KCNIP4: variants seen among roughly 807,000 people sequenced by gnomAD.
KCNIP4 encodes the protein Kv channel-interacting protein 4.
KCNIP4 carries 12 observed loss-of-function variants against 34.0 expected under a neutral mutation model. The ratio of observed to expected loss-of-function variants is 0.35; its 90% confidence interval spans 0.23 to 0.57. KCNIP4 has a LOEUF of 0.57. KCNIP4 is among the 20% of genes least tolerant of loss of function. The probability of loss-of-function intolerance (pLI) is 0.83; values close to 1 mark genes in which losing one functional copy is unlikely to be tolerated. For synonymous variants in KCNIP4, 124 were observed against 102.2 expected, an observed-to-expected ratio of 1.21 and a Z score of -1.29; for missense variants, 238 against 311.7, an observed-to-expected ratio of 0.76 and a Z score of 1.78.
chr4:21,045,133 A>G (rs777680601), intron 1 of KCNIP4, among the ~76,000 whole-genome samples: 2 of 152,204 alleles, frequency 1.3e-5, no homozygotes, highest in African/African-American at 2.4e-5. Flanking sequence ...ATGCTCCTCT[A>G]TGAACAAGAG....
intron 3 of KCNIP4, among the ~76,000 whole-genome samples, chr4:20,767,555 A>G (rs187907572): frequency 5.3e-5 from 8 of 152,318 alleles, no homozygotes; most frequent in African/African-American, 1.4e-4. Context: ...TTATAAGGAA[A>G]CCTTTCAGCA....
At chr4:21,614,533 A>G (rs1377890292) in intron 1 of KCNIP4, among the ~76,000 whole-genome samples, 2 of 148,334 alleles carry the variant, frequency 1.3e-5, no homozygotes, top group African/African-American at 2.4e-5. Context: ...GCTATAATAT[A>G]GCTTCTATTT....
chr4:20,801,650 G>A (rs1714250567), intron 3 of KCNIP4, among the ~76,000 whole-genome samples: 2 of 152,020 alleles, frequency 1.3e-5, no homozygotes, highest in African/African-American at 4.8e-5. Flanking sequence ...TTTTATGTAA[G>A]CCTCATGGTA....
intron 1 of KCNIP4, among the ~76,000 whole-genome samples, chr4:21,537,708 C>T (rs533699798): frequency 6.6e-6 from 1 of 152,134 alleles, no homozygotes; most frequent in African/African-American, 2.4e-5. Context: ...GTGTCCTTAT[C>T]ATCCTTACAA....
intron 1 of KCNIP4, among the ~76,000 whole-genome samples, chr4:21,511,282 C>T (rs1577492281): frequency 6.6e-6 from 1 of 152,014 alleles, no homozygotes; most frequent in East Asian, 1.9e-4. Flanking sequence ...ATAGCTATCA[C>T]TTTTGTGACC....
intron 1 of KCNIP4, among the ~76,000 whole-genome samples, chr4:21,652,418 T>C (rs1377382756): frequency 1.3e-5 from 2 of 152,116 alleles, no homozygotes; most frequent in Non-Finnish European, 2.9e-5. Context: ...AATGGGGATG[T>C]CAGGTGGGAG....
At chr4:21,249,748 G>T (rs1160839664) in intron 1 of KCNIP4, among the ~76,000 whole-genome samples, 2 of 152,046 alleles carry the variant, frequency 1.3e-5, no homozygotes, top group Non-Finnish European at 2.9e-5. Context: ...ATTTAAATTA[G>T]TTCACTCTTC....
rs71191533 is a variant in KCNIP4 at position 21,683,446 on chromosome 4, A to ATTTTTTTTTTTTTTTTTTTTTTTTT, written c.61+265100_61+265124dup. Among the ~76,000 whole-genome samples the ATTTTTTTTTTTTTTTTTTTTTTTTT allele has an allele frequency of 2.4e-4, 11 of 46,616 alleles. 3 individuals carry two copies. The highest frequency in any genetic ancestry group is 3.7e-4 in the Non-Finnish European group (9 of 24,004). 30.6% of individuals were successfully genotyped at this position (46,616 alleles called of 152,430 possible). A position where few individuals can be genotyped will look rare whatever the true frequency, so the allele number is the denominator to read the frequency against. On this transcript the variant is annotated intron_variant, in intron 1 of 8. Coordinates refer to ENST00000382152, the MANE Select transcript of KCNIP4 (RefSeq NM_025221.6). Reference sequence around the variant, plus strand: ...TACGACTAATGATTGGTGAAGCCAGATTTTTTTTTTTTTTTTTTTTTTTTT... The same window carrying ATTTTTTTTTTTTTTTTTTTTTTTTT: ...TACGACTAATGATTGGTGAAGCCAGATTTTTTTTTTTTTTTTTTTTTTTTTTTTTTTTTTTTTTTTTTTTTTTTTT...
At chr4:21,886,017 T>C (rs1459524873) in intron 1 of KCNIP4, among the ~76,000 whole-genome samples, 1 of 152,116 alleles carries the variant, frequency 6.6e-6, no homozygotes, top group Admixed American at 6.6e-5. Flanking sequence ...GTCATGTGGA[T>C]AAGGCTTGTG....
chr4:20,809,763 C>A (rs1039433796), intron 3 of KCNIP4, among the ~76,000 whole-genome samples: 1 of 152,148 alleles, frequency 6.6e-6, no homozygotes, highest in African/African-American at 2.4e-5. Flanking sequence ...TCTAAAAGCA[C>A]GAAACCTCTT....
chr4:21,911,360 AAAAG>A (rs1205497093), intron 1 of KCNIP4, among the ~76,000 whole-genome samples: 2 of 152,138 alleles, frequency 1.3e-5, no homozygotes, highest in Admixed American at 6.6e-5. Flanking sequence ...TTTACAAAGA[AAAAG>A]AAAACTGGTT....
chr4:20,892,819 T>C (rs1297786888), intron 1 of KCNIP4, among the ~76,000 whole-genome samples: 1 of 152,218 alleles, frequency 6.6e-6, no homozygotes, highest in Non-Finnish European at 1.5e-5. Flanking sequence ...AGCCAGAGAA[T>C]ACTAGCAGAA....
At chr4:21,535,109 G>T (rs1737040361) in intron 1 of KCNIP4, among the ~76,000 whole-genome samples, 1 of 152,080 alleles carries the variant, frequency 6.6e-6, no homozygotes, top group Admixed American at 6.5e-5. Context: ...TAGTCTGTAA[G>T]CAAAAAGCAG....
intron 1 of KCNIP4, among the ~76,000 whole-genome samples, chr4:21,185,187 C>T (rs920580584): frequency 3.3e-5 from 5 of 152,228 alleles, no homozygotes; most frequent in South Asian, 2.1e-4. Flanking sequence ...TGGGAGAAGA[C>T]TCCATCTTCC....
At chr4:21,016,814 G>C (rs1371922338) in intron 1 of KCNIP4, among the ~76,000 whole-genome samples, 2 of 152,036 alleles carry the variant, frequency 1.3e-5, no homozygotes, top group Non-Finnish European at 2.9e-5. Context: ...GAGGGAATAA[G>C]CTCATGAGAA....
chr4:21,533,182 A>G (rs555308224), intron 1 of KCNIP4, among the ~76,000 whole-genome samples: 14 of 152,084 alleles, frequency 9.2e-5, no homozygotes, highest in Non-Finnish European at 1.8e-4. Context: ...CTAAGTATCA[A>G]AATAAAAGCT....
chr4:21,188,805 C>A (rs1462691855), intron 1 of KCNIP4, among the ~76,000 whole-genome samples: 2 of 152,258 alleles, frequency 1.3e-5, no homozygotes, highest in East Asian at 1.9e-4. Flanking sequence ...TGTTTAAGGT[C>A]TAACTTATTA....
At chr4:20,783,814 A>C (rs537516841) in intron 3 of KCNIP4, among the ~76,000 whole-genome samples, 1 of 152,306 alleles carries the variant, frequency 6.6e-6, no homozygotes, top group East Asian at 1.9e-4. Context: ...GATACCTCTT[A>C]ATTTTTTATA....
chr4:21,265,703 C>T (rs776510864), intron 1 of KCNIP4, among the ~76,000 whole-genome samples: 4 of 152,160 alleles, frequency 2.6e-5, no homozygotes, highest in Non-Finnish European at 5.9e-5. Flanking sequence ...ATAAGTTCCA[C>T]AATCAGAAGT....
Sources: allele counts gnomAD v4.1 joint callset (sites outside exome capture counted in the v4.1 genomes callset), GRCh38; gene constraint gnomAD v4.1.1; transcripts MANE v1.5; gene names NCBI Gene and HGNC (gene_info 2026-07-23, HGNC 2026-07-21).